Variants in HERC3 observed in about 807,000 individuals in gnomAD.
The protein encoded by HERC3 is HECT and RLD domain containing E3 ubiquitin protein ligase 3, also known as probable E3 ubiquitin-protein ligase HERC3.
A neutral mutation model predicts 129.9 loss-of-function variants in HERC3; 58 were observed. The observed-to-expected ratio is 0.45, with a 90% CI of 0.36 to 0.56. The LOEUF (loss-of-function observed/expected upper bound fraction) is 0.56, where lower values mean the gene tolerates loss of function less well. Among genes scored for constraint, HERC3 ranks in the 20% least tolerant of loss-of-function variants. The pLI, the probability that HERC3 is intolerant of heterozygous loss-of-function variation, is 0.00. For missense variants in HERC3, 835 were observed against 1,244.2 expected (o/e 0.67, Z 4.95); for synonymous variants, 430 against 451.0 (o/e 0.95, Z 0.59).
At chr4:88,548,652 G>A in the HERC3 span, among the ~76,000 whole-genome samples, 1 of 151,196 alleles carries the variant, frequency 6.6e-6, no homozygotes, top group Non-Finnish European at 1.5e-5. Flanking sequence ...CTCATTCTGT[G>A]GGTCATCTTT....
chr4:88,690,150 T>G (rs905574807), intron 23 of HERC3: 12 of 985,408 alleles, frequency 1.2e-5, no homozygotes, highest in East Asian at 2.3e-4. Flanking sequence ...TCAAAACCCT[T>G]GATAAGAATC....
intron 3 of HERC3, among the ~76,000 whole-genome samples, chr4:88,634,921 A>T (rs1161942902): frequency 6.6e-6 from 1 of 152,178 alleles, no homozygotes; most frequent in Non-Finnish European, 1.5e-5. Context: ...CAGAAGAGGG[A>T]CCTGACTATT....
intron 4 of HERC3, among the ~76,000 whole-genome samples, 187 bp from the exon 5 acceptor site, chr4:88,651,825 T>A (rs552613175): frequency 2.6e-5 from 4 of 152,270 alleles, no homozygotes; most frequent in African/African-American, 9.6e-5. Flanking sequence ...TGACCTCAGG[T>A]GATAAGCCCA....
At chr4:88,697,220 C>T in intron 23 of HERC3, 1 of 1,520,446 alleles carries the variant, frequency 6.6e-7, no homozygotes, top group Non-Finnish European at 8.8e-7. Context: ...TTCTTGGCGT[C>T]ATCAGGCATC....
At chr4:88,540,262 G>T in the HERC3 span, among the ~76,000 whole-genome samples, 4 of 152,096 alleles carry the variant, frequency 2.6e-5, no homozygotes, top group African/African-American at 9.7e-5. Flanking sequence ...TGACCTGATG[G>T]AGCTGAAAAC....
chr4:88,525,819 A>G, the HERC3 span, among the ~76,000 whole-genome samples: 1,922 of 152,340 alleles, frequency 0.013, 27 homozygotes, highest in Middle Eastern at 0.02. Flanking sequence ...CCTGTAGTAT[A>G]CTAAGCTAAA....
At chr4:88,662,710 G>T (rs1365736699) in intron 11 of HERC3, among the ~76,000 whole-genome samples, 155 bp downstream of exon 11, 1 of 152,110 alleles carries the variant, frequency 6.6e-6, no homozygotes, top group Non-Finnish European at 1.5e-5. Flanking sequence ...CTATTTCAGG[G>T]TTGATCTCCT....
chr4:88,554,218 C>T, the HERC3 span, among the ~76,000 whole-genome samples: 6 of 151,914 alleles, frequency 3.9e-5, no homozygotes, highest in South Asian at 2.1e-4. Flanking sequence ...TCGTGGCATG[C>T]GCCAATAGTC....
intron 2 of HERC3, among the ~76,000 whole-genome samples, chr4:88,599,589 C>G (rs1007620632): frequency 7.2e-5 from 11 of 152,134 alleles, no homozygotes; most frequent in Admixed American, 2.0e-4. Context: ...CTCTCAAGGA[C>G]TGACTCGTGC....
At chr4:88,638,110 A>G (rs993184397) in intron 3 of HERC3, among the ~76,000 whole-genome samples, 5 of 152,208 alleles carry the variant, frequency 3.3e-5, no homozygotes, top group African/African-American at 9.6e-5. Flanking sequence ...TACCCTACTA[A>G]CTAAACAAAG....
intron 3 of HERC3, among the ~76,000 whole-genome samples, chr4:88,618,276 TTTCTGTTC>T: frequency 6.6e-6 from 1 of 152,378 alleles, no homozygotes; most frequent in African/African-American, 2.4e-5. Flanking sequence ...TTTATTCATC[TTTCTGTTC>T]TTCATGACTC....
chr4:88,672,235 C>G (rs189770594), intron 16 of HERC3, among the ~76,000 whole-genome samples: 2 of 152,258 alleles, frequency 1.3e-5, no homozygotes, highest in East Asian at 3.9e-4. Context: ...ATTATTATGA[C>G]AGTAGTCTCT....
upstream of HERC3, among the ~76,000 whole-genome samples, chr4:88,590,471 C>T (rs1217632971): frequency 1.3e-5 from 2 of 151,984 alleles, no homozygotes; most frequent in Non-Finnish European, 2.9e-5. Context: ...CGACAGGAGA[C>T]TTGCGTGAAT....
intron 3 of HERC3, among the ~76,000 whole-genome samples, chr4:88,644,056 A>G (rs1728433228): frequency 6.6e-6 from 1 of 152,202 alleles, no homozygotes; most frequent in Non-Finnish European, 1.5e-5. Flanking sequence ...CCACTAGAGA[A>G]ATGCAAATTA....
chr4:88,616,028 C>G (rs1006360116), intron 3 of HERC3, among the ~76,000 whole-genome samples: 3 of 152,052 alleles, frequency 2.0e-5, no homozygotes, highest in Non-Finnish European at 4.4e-5. Flanking sequence ...TTGTGTTGGT[C>G]ACTTTTATAG....
intron 21 of HERC3, among the ~76,000 whole-genome samples, chr4:88,681,814 T>C (rs992024585): frequency 1.3e-5 from 2 of 152,226 alleles, no homozygotes; most frequent in Non-Finnish European, 2.9e-5. Flanking sequence ...ATATTTCTCT[T>C]TATGTTAGAA....
chr4:88,661,600 G>C (rs1325095134), intron 10 of HERC3, among the ~76,000 whole-genome samples: 1 of 152,138 alleles, frequency 6.6e-6, no homozygotes, highest in East Asian at 1.9e-4. Context: ...CAAGAACAAG[G>C]CTTGGGGAAA....
At chr4:88,640,489 C>T (rs1272849251) in intron 3 of HERC3, among the ~76,000 whole-genome samples, 1 of 152,174 alleles carries the variant, frequency 6.6e-6, no homozygotes, top group Non-Finnish European at 1.5e-5. Flanking sequence ...AAACCAAACA[C>T]CACATGTTCT....
In HERC3 at chr4:88,704,534, G is replaced by A. The variant is rs150630116; in HGVS notation, c.2868G>A (p.Ser956=). ...CTGCCATCTACAAGGGAGATTACTC[G>A]GCCACACATCCCACTGTAAAACTAT... The part of the protein sequence containing the change: ...EETAIYKGDY[S]ATHPTVKLFW... Residue 956 remains serine (S), a synonymous_variant, in exon 25 of 26, where the codon TCG becomes TCA. Coordinates refer to ENST00000402738, the MANE Select transcript of HERC3 (RefSeq NM_014606.3). 21 of 1,610,932 alleles carry A rather than the reference G, an allele frequency of 1.3e-5. 1 individual carries two copies. The highest frequency in any genetic ancestry group is 6.7e-5 in the African/African-American group (5 of 74,656).
Sources: allele counts gnomAD v4.1 joint callset (sites outside exome capture counted in the v4.1 genomes callset), GRCh38; gene constraint gnomAD v4.1.1; transcripts MANE v1.5; gene names NCBI Gene and HGNC (gene_info 2026-07-23, HGNC 2026-07-21).